The following MACROD2 variants were observed in gnomAD, a reference collection of about 807,000 sequenced individuals.
MACROD2 encodes the protein ADP-ribose glycohydrolase MACROD2.
MACROD2 carries 36 observed loss-of-function variants against 70.4 expected under a neutral mutation model. The observed-to-expected ratio is 0.51, with a 90% CI of 0.39 to 0.68. The LOEUF (loss-of-function observed/expected upper bound fraction) is 0.68. Ranked by LOEUF, MACROD2 falls within the 30% of genes least tolerant of loss-of-function variation. The pLI is 0.00. For synonymous variants in MACROD2, 172 were observed against 178.8 expected, an observed-to-expected ratio of 0.96 and a Z score of 0.30; for missense variants, 496 against 538.4, an observed-to-expected ratio of 0.92 and a Z score of 0.78.
intron 4 of MACROD2, among the ~76,000 whole-genome samples, chr20:14,670,696 A>G (rs1483001945): frequency 6.6e-6 from 1 of 152,206 alleles, no homozygotes; most frequent in African/African-American, 2.4e-5. Context: ...TACACAAAAC[A>G]CAAAGTCATT....
intron 3 of MACROD2, among the ~76,000 whole-genome samples, chr20:14,109,865 A>G (rs1248782260): frequency 6.6e-6 from 1 of 151,876 alleles, no homozygotes; most frequent in Non-Finnish European, 1.5e-5. Flanking sequence ...TCTGAAAGTC[A>G]TTCTGTAAGG....
At chr20:14,236,401 T>C (rs977164271) in intron 3 of MACROD2, among the ~76,000 whole-genome samples, 8 of 152,120 alleles carry the variant, frequency 5.3e-5, no homozygotes, top group Non-Finnish European at 1.0e-4. Context: ...TATAGTAGTG[T>C]TGCTTAGAAG....
chr20:15,533,821 A>G (rs1326827585), intron 8 of MACROD2, among the ~76,000 whole-genome samples: 1 of 152,056 alleles, frequency 6.6e-6, no homozygotes. Flanking sequence ...GGTAGGGTGG[A>G]GTGGGAGACT....
Position 14,077,787 on chromosome 20 carries a change from C to G in MACROD2, c.164-7834C>G, listed in dbSNP as rs554162938. Among the ~76,000 whole-genome samples the G allele has an allele frequency of 3.5e-3, 526 of 151,646 alleles. 1 individual carries two copies. Among genetic ancestry groups the G allele is most frequent in the South Asian group, 5.8e-3 (28 of 4,800 alleles). On this transcript the variant is annotated intron_variant, in intron 2 of 17. Coordinates refer to ENST00000684519, the MANE Select transcript of MACROD2 (RefSeq NM_001351661.2). ...AGTTTTTTTTTAAATAACATCAGCC[C>G]AACAGTGTGCTAATATAAAACTAGA...
At chr20:15,483,164 G>T (rs959620496) in intron 7 of MACROD2, among the ~76,000 whole-genome samples, 1 of 152,068 alleles carries the variant, frequency 6.6e-6, no homozygotes, top group African/African-American at 2.4e-5. Context: ...GTTTTATCCT[G>T]TTATCCCCTA....
At chr20:15,273,837 G>A (rs1169116261) in intron 6 of MACROD2, among the ~76,000 whole-genome samples, 1 of 152,098 alleles carries the variant, frequency 6.6e-6, no homozygotes, top group East Asian at 1.9e-4. Context: ...CTACAACTGT[G>A]GACAATGTAT....
rs894541086 is a variant in MACROD2, at chr20:15,321,198, C to T, written c.540+91137C>T. 1.6e-5 allele frequency among the ~76,000 whole-genome samples: 2 copies of T among 126,322 alleles called. 1 individual carries two copies. The highest frequency in any genetic ancestry group is 5.3e-5 in the African/African-American group (2 of 37,408). The allele number at this position is 126,322 out of a possible 152,430, so 82.9% of individuals were successfully genotyped here. A position where few individuals can be genotyped will look rare whatever the true frequency, so the allele number is the denominator to read the frequency against. Reference sequence around the variant, plus strand: ...GCAGAATTCTTTCTGGACTCTGTTCCTGCTTGTTCTTTTTTTCTTTTGTGT... The same window carrying T: ...GCAGAATTCTTTCTGGACTCTGTTCTTGCTTGTTCTTTTTTTCTTTTGTGT... On this transcript the variant is annotated intron_variant, in intron 6 of 17. Transcript: ENST00000684519.
At chr20:15,039,659 A>ATATATATATATATATATATATAT in intron 5 of MACROD2, among the ~76,000 whole-genome samples, 1 of 152,246 alleles carries the variant, frequency 6.6e-6, no homozygotes, top group African/African-American at 2.4e-5. Context: ...TAGACAACTA[A>ATATATATATATATATATATATAT]ACAGAAAGCG....
At position 15,230,022 on chromosome 20, in the gene MACROD2, A is replaced by T. The variant is rs368006162; in HGVS notation, c.501A>T (p.Ser167=). ...AAGACCTTGCAAATTGCTATAAATC[A>T]TCTCTGAAGCTCGTGAAAGAAAATA... ...HKEDLANCYK[S]SLKLVKENNI... is the part of the protein sequence containing the mutation. Residue 167 remains serine (S), a synonymous_variant, in exon 6 of 18, where the codon TCA becomes TCT. Coordinates refer to ENST00000684519, the MANE Select transcript of MACROD2 (RefSeq NM_001351661.2). 1.9e-6 allele frequency: 3 copies of T among 1,613,606 alleles called. No homozygotes were observed. The South Asian group carries it at 3.3e-5, about 18-fold the overall frequency.
chr20:14,849,939 C>A (rs770286375), intron 5 of MACROD2: 4 of 502,960 alleles, frequency 8.0e-6, no homozygotes, highest in South Asian at 4.4e-5. Context: ...GAAACTGAAT[C>A]TTCTCCTACA....
At chr20:15,469,996 T>C (rs1381018091) in intron 7 of MACROD2, among the ~76,000 whole-genome samples, 1 of 152,214 alleles carries the variant, frequency 6.6e-6, no homozygotes, top group Non-Finnish European at 1.5e-5. Flanking sequence ...TTCTATAGTT[T>C]GCCCATATTT....
chr20:15,456,102 T>C lies in MACROD2; in HGVS notation c.571+24667T>C, dbSNP rs535128551. On this transcript the variant is annotated intron_variant, in intron 7 of 17. Transcript: ENST00000684519. Reference sequence around the variant, plus strand: ...GATAATTGTGGTATCTTGACAGTAATTGCTGGGACAACTGGAAACCTAAAG... The same window carrying C: ...GATAATTGTGGTATCTTGACAGTAACTGCTGGGACAACTGGAAACCTAAAG... Among the ~76,000 whole-genome samples, 161 of 152,268 alleles carry C rather than the reference T, an allele frequency of 1.1e-3. 1 individual carries two copies. Among genetic ancestry groups the C allele is most frequent in the African/African-American group, 3.8e-3 (157 of 41,558 alleles).
At chr20:15,256,590 C>A (rs910867236) in intron 6 of MACROD2, among the ~76,000 whole-genome samples, 2 of 151,882 alleles carry the variant, frequency 1.3e-5, no homozygotes, top group African/African-American at 4.8e-5. Flanking sequence ...GAATTTGACT[C>A]TTACTACTTA....
intron 4 of MACROD2, among the ~76,000 whole-genome samples, chr20:14,655,790 A>C (rs1436162045): frequency 6.6e-6 from 1 of 152,150 alleles, no homozygotes; most frequent in Non-Finnish European, 1.5e-5. Flanking sequence ...AACTCTATGG[A>C]CCTACTTTTA....
intron 10 of MACROD2, among the ~76,000 whole-genome samples, chr20:15,889,087 A>G (rs2147216000): frequency 6.6e-6 from 1 of 152,286 alleles, no homozygotes; most frequent in South Asian, 2.1e-4. Context: ...TTGAATACCT[A>G]AACCCACTGG....
chr20:14,270,349 T>G (rs1365109896), intron 3 of MACROD2, among the ~76,000 whole-genome samples: 1 of 152,146 alleles, frequency 6.6e-6, no homozygotes, highest in African/African-American at 2.4e-5. Flanking sequence ...CCCAGCATTT[T>G]GGGAGGCTGA....
At position 14,683,720 on chromosome 20, in the gene MACROD2, A is replaced by G. The variant is rs78184681; in HGVS notation, c.302-1123A>G. Among the ~76,000 whole-genome samples, 976 of 152,266 alleles carry G rather than the reference A, an allele frequency of 6.4e-3. 17 individuals are homozygous for G. The highest frequency in any genetic ancestry group is 0.022 in the African/African-American group (923 of 41,560). ...TCCAGCTTCGTCTTAAATAATAATAATGATAATGATAATAAAGATCAAGGA... is the reference window on the plus strand; with the variant it reads ...TCCAGCTTCGTCTTAAATAATAATAGTGATAATGATAATAAAGATCAAGGA... On this transcript the variant is annotated intron_variant, in intron 4 of 17. Coordinates refer to ENST00000684519, the MANE Select transcript of MACROD2 (RefSeq NM_001351661.2).
At chr20:14,454,478 C>T (rs2084277979) in intron 3 of MACROD2, among the ~76,000 whole-genome samples, 1 of 151,290 alleles carries the variant, frequency 6.6e-6, no homozygotes, top group Admixed American at 6.6e-5. Flanking sequence ...AACAGAATTC[C>T]TAATTAACAG....
chr20:15,696,257 T>C (rs1365183618), intron 8 of MACROD2, among the ~76,000 whole-genome samples: 3 of 152,236 alleles, frequency 2.0e-5, no homozygotes, highest in Non-Finnish European at 4.4e-5. Context: ...CATAAAGAGA[T>C]GCTGGATTTT....
Sources: gnomAD v4.1 joint callset for allele counts (sites outside exome capture counted in the v4.1 genomes callset) on GRCh38, gnomAD v4.1.1 for gene constraint, MANE v1.5 for transcripts, NCBI Gene and HGNC (gene_info 2026-07-23, HGNC 2026-07-21) for gene names.